Variants in PRKG1 observed in about 807,000 individuals in gnomAD.
PRKG1 encodes cGMP-dependent protein kinase 1.
In PRKG1, 35 loss-of-function variants were observed where a neutral mutation model predicts 88.1. The ratio of observed to expected loss-of-function variants is 0.40; its 90% CI spans 0.30 to 0.53. The LOEUF (loss-of-function observed/expected upper bound fraction) is 0.53, where lower values mean the gene tolerates loss of function less well. PRKG1 is among the 20% of genes least tolerant of loss of function. The pLI, the probability that PRKG1 is intolerant of heterozygous loss-of-function variation, is 0.59. For synonymous variants in PRKG1, 303 were observed against 292.5 expected (o/e 1.04, Z -0.37); for missense variants, 540 against 839.8 (o/e 0.64, Z 4.41).
At chr10:51,317,102 C>T (rs1291541888) in intron 2 of PRKG1, among the ~76,000 whole-genome samples, 1 of 152,204 alleles carries the variant, frequency 6.6e-6, no homozygotes. Flanking sequence ...TTCCCCTTCA[C>T]ACCTGTCCTG....
intron 3 of PRKG1, among the ~76,000 whole-genome samples, chr10:51,536,186 G>C (rs886696392): frequency 3.3e-5 from 5 of 152,194 alleles, no homozygotes; most frequent in African/African-American, 1.2e-4. Context: ...ATGAAGTTAA[G>C]TGATCTGCCC....
chr10:52,147,088 G>T (rs1204699738), intron 8 of PRKG1, among the ~76,000 whole-genome samples: 1 of 152,012 alleles, frequency 6.6e-6, no homozygotes, highest in Non-Finnish European at 1.5e-5. Context: ...TCTTTGTTCT[G>T]GAAAAGAATA....
intron 3 of PRKG1, among the ~76,000 whole-genome samples, chr10:51,649,628 G>A (rs1839991998): frequency 6.6e-6 from 1 of 152,090 alleles, no homozygotes; most frequent in East Asian, 1.9e-4. Flanking sequence ...ACAAAGAATT[G>A]GACAAAATGC....
intron 3 of PRKG1, among the ~76,000 whole-genome samples, chr10:51,772,084 G>T (rs567234262): frequency 2.0e-5 from 3 of 151,648 alleles, no homozygotes; most frequent in African/African-American, 4.8e-5. Flanking sequence ...TTATTCTCAA[G>T]AATAAAATAT....
intron 6 of PRKG1, among the ~76,000 whole-genome samples, chr10:52,061,139 T>TCACAGAGA (rs946053245): frequency 2.0e-5 from 3 of 151,972 alleles, no homozygotes; most frequent in African/African-American, 7.2e-5. Flanking sequence ...AGCTTAGTGG[T>TCACAGAGA]CACAGAGACA....
At chr10:51,744,685 T>C (rs1837532342) in intron 3 of PRKG1, among the ~76,000 whole-genome samples, 1 of 152,232 alleles carries the variant, frequency 6.6e-6, no homozygotes, top group Non-Finnish European at 1.5e-5. Context: ...TTTTGAGCTT[T>C]TAAGGCTGCT....
chr10:51,780,659 A>G (rs987368387), intron 3 of PRKG1, among the ~76,000 whole-genome samples: 9 of 152,128 alleles, frequency 5.9e-5, no homozygotes, highest in African/African-American at 2.2e-4. Context: ...AAATTAATCC[A>G]TGATTGACTT....
At position 51,467,766 on chromosome 10, in the gene PRKG1, C is replaced by T. The variant is rs369697050; in HGVS notation, c.522C>T (p.Thr174=). The T allele has an allele frequency of 2.2e-4, 349 of 1,612,790 alleles. 4 individuals carry two copies. In the South Asian group the frequency reaches 3.6e-3, roughly 17 times the overall value. ...EVTKEGVKLC[T]MGPGKVFGEL... ...CAAAAGAAGGTGTGAAGTTGTGTACCATGGGTCCAGGAAAAGTGTTTGGGG... is the reference window on the plus strand; with the variant it reads ...CAAAAGAAGGTGTGAAGTTGTGTACTATGGGTCCAGGAAAAGTGTTTGGGG... The change falls in exon 3 of 18, where the codon ACC becomes ACT. Residue 174 remains threonine, a synonymous_variant. Transcript: ENST00000373980.
intron 8 of PRKG1, among the ~76,000 whole-genome samples, chr10:52,154,971 T>A (rs1472266468): frequency 1.3e-5 from 2 of 152,216 alleles, no homozygotes; most frequent in Non-Finnish European, 2.9e-5. Context: ...ATGTCATTAT[T>A]TCATTTTTTT....
At chr10:51,536,144 G>T (rs112515354) in intron 3 of PRKG1, among the ~76,000 whole-genome samples, 15 of 152,156 alleles carry the variant, frequency 9.9e-5, no homozygotes, top group African/African-American at 3.6e-4. Flanking sequence ...TGTGTGGAAA[G>T]AATCATAAAA....
intron 9 of PRKG1, among the ~76,000 whole-genome samples, chr10:52,173,151 T>A (rs1838756650): frequency 6.6e-6 from 1 of 152,246 alleles, no homozygotes; most frequent in Non-Finnish European, 1.5e-5. Flanking sequence ...TTTATAAGTC[T>A]ATGTTGTAAC....
intron 4 of PRKG1, among the ~76,000 whole-genome samples, chr10:51,831,768 GA>G (rs1840011004): frequency 6.6e-6 from 1 of 152,134 alleles, no homozygotes. Flanking sequence ...GAGGCTTTCT[GA>G]GAACTCCATG....
chr10:51,003,757 G>A (rs1049652523), intron 1 of PRKG1, among the ~76,000 whole-genome samples: 9 of 152,118 alleles, frequency 5.9e-5, no homozygotes, highest in Non-Finnish European at 5.9e-5. Flanking sequence ...ATCTTTATAT[G>A]TAGAGAGAGA....
intron 1 of PRKG1, among the ~76,000 whole-genome samples, chr10:51,148,486 G>T (rs1845992142): frequency 6.6e-6 from 1 of 152,118 alleles, no homozygotes; most frequent in Non-Finnish European, 1.5e-5. Context: ...TAATCAAAGA[G>T]ATCAGATGTT....
chr10:52,259,620 A>G (rs1322549793), intron 10 of PRKG1, among the ~76,000 whole-genome samples: 4 of 152,064 alleles, frequency 2.6e-5, no homozygotes, highest in African/African-American at 7.2e-5. Flanking sequence ...TGAGGTCAGG[A>G]GCTTTTGTGG....
chr10:51,374,974 GGAGA>G (rs140088990), intron 2 of PRKG1, among the ~76,000 whole-genome samples: 2 of 150,604 alleles, frequency 1.3e-5, no homozygotes, highest in Non-Finnish European at 3.0e-5. Context: ...AAAGTCAGAA[GGAGA>G]GAGAGAGAGA....
At chr10:51,929,563 C>G (rs1589429918) in intron 5 of PRKG1, among the ~76,000 whole-genome samples, 1 of 151,972 alleles carries the variant, frequency 6.6e-6, no homozygotes, top group South Asian at 2.1e-4. Flanking sequence ...GTTGGCCAGG[C>G]TGGCCTTGAA....
At chr10:51,720,498 C>T (rs1055744381) in intron 3 of PRKG1, among the ~76,000 whole-genome samples, 1 of 152,212 alleles carries the variant, frequency 6.6e-6, no homozygotes, top group African/African-American at 2.4e-5. Flanking sequence ...ACCACAGTAA[C>T]TCTCAACAAT....
intron 9 of PRKG1, among the ~76,000 whole-genome samples, chr10:52,241,515 T>A (rs983363698): frequency 2.0e-5 from 3 of 152,188 alleles, no homozygotes; most frequent in Non-Finnish European, 4.4e-5. Context: ...TAACTTGTAA[T>A]CTTATTTTCT....
Sources: allele counts gnomAD v4.1 joint callset (sites outside exome capture counted in the v4.1 genomes callset), GRCh38; gene constraint gnomAD v4.1.1; transcripts MANE v1.5; gene names NCBI Gene and HGNC (gene_info 2026-07-23, HGNC 2026-07-21).